MEIOB: variants seen among roughly 807,000 people sequenced by gnomAD.
The protein encoded by MEIOB is meiosis specific with OB-fold, also known as meiosis-specific with OB domain-containing protein.
Under a neutral mutation model 53.1 loss-of-function variants are expected in MEIOB, and 50 were observed. That is an observed-to-expected ratio of 0.94 (90% confidence interval 0.75 to 1.19). The LOEUF (loss-of-function observed/expected upper bound fraction) is 1.19. Ranked by LOEUF, MEIOB falls within the 50% of genes most tolerant of loss-of-function variation. The pLI, the probability that MEIOB is intolerant of heterozygous loss-of-function variation, is 0.00. For missense variants in MEIOB, 551 were observed against 550.8 expected (o/e 1.00, Z 0.00); for synonymous variants, 192 against 182.5 (o/e 1.05, Z -0.42).
chr16:1,838,929 T>C (rs1015301418), intron 12 of MEIOB, among the ~76,000 whole-genome samples: 2 of 152,206 alleles, frequency 1.3e-5, no homozygotes, highest in Admixed American at 6.5e-5. Context: ...TGACCTCAAG[T>C]GATCCGCCCT....
chr16:1,856,833 G>A (rs1037986704), intron 6 of MEIOB, among the ~76,000 whole-genome samples: 11 of 136,888 alleles, frequency 8.0e-5, no homozygotes, highest in African/African-American at 2.8e-4. Flanking sequence ...GCATGATTTT[G>A]GCTCACTGCA....
At position 1,861,579 on chromosome 16, in the gene MEIOB, G is replaced by C. The variant is rs575407678; in HGVS notation, c.259+406C>G. On this transcript the variant is annotated intron_variant, in intron 4 of 13. Coordinates refer to ENST00000325962, the MANE Select transcript of MEIOB (RefSeq NM_001163560.3). ...TTTTTTTGAGACAGGGTCTTACTCT[G>C]TGACTCAGGCTGGAGTGCAGAGGTA... 4.1e-4 allele frequency among the ~76,000 whole-genome samples: 44 copies of C among 106,400 alleles called. 1 individual carries two copies. Among genetic ancestry groups the C allele is most frequent in the Non-Finnish European group, 6.5e-4 (38 of 58,650 alleles). The allele number at this position is 106,400 out of a possible 152,430, so 69.8% of individuals were successfully genotyped here.
In MEIOB at chr16:1,856,609, G is replaced by A. The variant is rs148193596; in HGVS notation, c.528+1126C>T. Among the ~76,000 whole-genome samples, 886 of 150,616 alleles carry A rather than the reference G, an allele frequency of 5.9e-3. 5 individuals carry two copies. The highest frequency in any genetic ancestry group is 0.011 in the Non-Finnish European group (731 of 67,608). The stretch of plus-strand genomic sequence containing the variant: ...GCTGGGATTACAGGCGTGAGCCACC[G>A]CACCAGGCCACCCAGCTAATTTTTG... On this transcript the variant is annotated intron_variant, in intron 6 of 13. Coordinates refer to ENST00000325962, the MANE Select transcript of MEIOB (RefSeq NM_001163560.3).
intron 5 of MEIOB, among the ~76,000 whole-genome samples, chr16:1,859,022 T>G (rs750582089): frequency 2.6e-5 from 4 of 152,126 alleles, no homozygotes; most frequent in Non-Finnish European, 5.9e-5. Flanking sequence ...GGCTCACATA[T>G]GTGAGGGGGA....
In MEIOB at chr16:1,860,449, T is replaced by C; in HGVS notation, c.286A>G (p.Arg96Gly). ...CVIIENPLIQ[R>G]KEIEREEKFS... ...TTTTCTTCTCTTTCTATTTCCTTTCTTTGGATCAGAGGATTTTCAATTATC... is the reference window on the plus strand; with the variant it reads ...TTTTCTTCTCTTTCTATTTCCTTTCCTTGGATCAGAGGATTTTCAATTATC... The change falls in exon 5 of 14, where the codon AGA becomes GGA. Residue 96 changes from arginine to glycine, a missense_variant. Coordinates refer to ENST00000325962, the MANE Select transcript of MEIOB (RefSeq NM_001163560.3). The C allele has an allele frequency of 6.5e-7, 1 of 1,546,966 alleles. No homozygotes were observed. The highest frequency in any genetic ancestry group is 8.7e-7 in the Non-Finnish European group (1 of 1,143,016).
At chr16:1,851,807 G>A (rs1399003809) in intron 9 of MEIOB, among the ~76,000 whole-genome samples, 12 of 152,198 alleles carry the variant, frequency 7.9e-5, no homozygotes, top group Admixed American at 7.9e-4. Context: ...CAGACCAGCA[G>A]CGTGAGCGTA....
chr16:1,837,751 A>G (rs766265486), intron 13 of MEIOB, 33 bp downstream of exon 13: 50 of 1,065,360 alleles, frequency 4.7e-5, no homozygotes, highest in Admixed American at 1.9e-4. Flanking sequence ...TAATAAATAT[A>G]TAGAATAATA....
At chr16:1,870,005 G>A (rs895553871) in intron 1 of MEIOB, among the ~76,000 whole-genome samples, 1 of 151,612 alleles carries the variant, frequency 6.6e-6, no homozygotes, top group Non-Finnish European at 1.5e-5. Flanking sequence ...CCGAGTAGCT[G>A]GGACTACAGG....
chr16:1,834,326 C>T lies in MEIOB; in HGVS notation c.1346G>A (p.Ser449Asn). 2 of 1,613,028 alleles carry T rather than the reference C, an allele frequency of 1.2e-6. No homozygotes were observed. Among genetic ancestry groups the T allele is most frequent in the Non-Finnish European group, 1.7e-6 (2 of 1,179,174 alleles). Residue 449 changes from serine to asparagine, a missense_variant, in exon 14 of 14, where the codon AGT becomes AAT. Physicochemically the swap from Ser to Asn is conservative, Grantham distance 46. Transcript: ENST00000325962. ...SHRARSGLKI[S>N]VLSCKLADPT... ...ATCTGCAAGCTTGCACGAGAGTACA[C>T]TAATTTTCAATCCACTCCTTGCTCT... is the stretch of plus-strand genomic sequence containing the variant.
At chr16:1,868,023 G>C (rs1414605374) in intron 2 of MEIOB, 84 bp downstream of exon 2, 1 of 732,046 alleles carries the variant, frequency 1.4e-6, no homozygotes, top group Admixed American at 2.3e-5. Flanking sequence ...ATAAAAGCAT[G>C]TGTTGAATGA....
At chr16:1,841,783 C>T (rs368154165) in intron 11 of MEIOB, 37 bp downstream of exon 11, 2 of 1,427,756 alleles carry the variant, frequency 1.4e-6, no homozygotes, top group Admixed American at 2.5e-5. Flanking sequence ...TTATTTCTTA[C>T]AAAAATGAAT....
rs547649448 is a variant in MEIOB, at chr16:1,859,431, C to T, written c.332+972G>A. 3.9e-4 allele frequency among the ~76,000 whole-genome samples: 59 copies of T among 152,198 alleles called. No individual in the cohort carries two copies. The South Asian group carries it at 0.011, about 28-fold the overall frequency. On this transcript the variant is annotated intron_variant, in intron 5 of 13. Coordinates refer to ENST00000325962, the MANE Select transcript of MEIOB (RefSeq NM_001163560.3). Reference sequence around the variant, plus strand: ...GGGCGTGTGCCTGTAATCACAGCTACTTGGGAGGCTGAGGTGGGAGAATGG... The same window carrying T: ...GGGCGTGTGCCTGTAATCACAGCTATTTGGGAGGCTGAGGTGGGAGAATGG...
chr16:1,865,720 T>A (rs1201284936), intron 3 of MEIOB, 58 bp downstream of exon 3: 1 of 1,224,968 alleles, frequency 8.2e-7, no homozygotes, highest in East Asian at 2.6e-5. Flanking sequence ...ATATACTTTG[T>A]TGTAGTCATA....
intron 9 of MEIOB, among the ~76,000 whole-genome samples, chr16:1,852,823 T>G (rs1432025642): frequency 6.6e-6 from 1 of 152,250 alleles, no homozygotes; most frequent in African/African-American, 2.4e-5. Context: ...CCCAAAGTGC[T>G]GGGATTACAG....
At chr16:1,862,223 ATTAT>A (rs1464264553) in intron 3 of MEIOB, 107 bp from the exon 4 acceptor site, 22 of 838,402 alleles carry the variant, frequency 2.6e-5, no homozygotes, top group Middle Eastern at 2.4e-4. Context: ...TAAACAAATG[ATTAT>A]TTGTTTAATC....
At position 1,853,236 on chromosome 16, in the gene MEIOB, C is replaced by T. The variant is rs1567277296; in HGVS notation, c.665G>A (p.Trp222Ter). 6.4e-7 allele frequency: 1 copy of T among 1,551,878 alleles called. No homozygotes were observed. The highest frequency in any genetic ancestry group is 8.7e-7 in the Non-Finnish European group (1 of 1,146,504). Residue 222 changes from tryptophan to a stop codon, truncating the protein, a stop_gained, in exon 8 of 14, where the codon TGG (tryptophan) becomes TAG (stop). Coordinates refer to ENST00000325962, the MANE Select transcript of MEIOB (RefSeq NM_001163560.3). LOFTEE classifies it high-confidence loss of function. The part of the protein sequence containing the change: ...DNESILLAQS[W>*]MPRETVIFAS... ...GATAATACCTGTTTCTCGTGGCATCCAGCTCTGTGCAAGTAGAATGGATTC... is the reference window on the plus strand; with the variant it reads ...GATAATACCTGTTTCTCGTGGCATCTAGCTCTGTGCAAGTAGAATGGATTC...
chr16:1,858,776 T>C (rs1189510357), intron 5 of MEIOB, among the ~76,000 whole-genome samples: 1 of 152,200 alleles, frequency 6.6e-6, no homozygotes, highest in African/African-American at 2.4e-5. Flanking sequence ...ATGAAATTGG[T>C]ATTTCTAGAT....
intron 5 of MEIOB, 114 bp downstream of exon 5, chr16:1,860,289 C>A: frequency 3.7e-6 from 2 of 535,134 alleles, no homozygotes; most frequent in South Asian, 3.4e-5. Context: ...AATTAAACTC[C>A]TCATTTTTAT....
At chr16:1,856,920 C>A (rs1899323211) in intron 6 of MEIOB, among the ~76,000 whole-genome samples, 1 of 151,292 alleles carries the variant, frequency 6.6e-6, no homozygotes, top group Admixed American at 6.6e-5. Flanking sequence ...CACACCACCA[C>A]ATCCGGCTAA....
Sources: allele counts gnomAD v4.1 joint callset (sites outside exome capture counted in the v4.1 genomes callset), GRCh38; gene constraint gnomAD v4.1.1; transcripts MANE v1.5; gene names NCBI Gene and HGNC (gene_info 2026-07-23, HGNC 2026-07-21).